Variants in SDK1 observed in about 807,000 individuals in gnomAD.
SDK1 encodes sidekick cell adhesion molecule 1.
SDK1 carries 157 observed loss-of-function variants against 245.5 expected under a neutral mutation model. That is an observed-to-expected ratio of 0.64 (90% confidence interval 0.56 to 0.73). The LOEUF is 0.73. SDK1 is among the 30% of genes least tolerant of loss of function. The probability of loss-of-function intolerance (pLI) is 0.00; values close to 1 mark genes in which losing one functional copy is unlikely to be tolerated. For missense variants in SDK1, 3,583 were observed against 3,002.3 expected, an observed-to-expected ratio of 1.19 and a Z score of -4.52; for synonymous variants, 1,647 against 1,278.5, an observed-to-expected ratio of 1.29 and a Z score of -6.15.
intron 25 of SDK1, 49 bp from the exon 26 acceptor site, chr7:4,127,332 T>C (rs749759821): frequency 7.3e-7 from 1 of 1,364,016 alleles, no homozygotes; most frequent in Non-Finnish European, 1.1e-6. Context: ...TCTTTGTATG[T>C]AGACACTCTA....
chr7:3,589,146 G>A (rs887701405), intron 1 of SDK1, among the ~76,000 whole-genome samples: 12 of 152,164 alleles, frequency 7.9e-5, no homozygotes, highest in East Asian at 5.8e-4. Flanking sequence ...CAGTTAATGT[G>A]GGCCTTTTGA....
intron 1 of SDK1, among the ~76,000 whole-genome samples, chr7:3,439,206 G>T (rs1388178787): frequency 1.3e-5 from 2 of 152,002 alleles, no homozygotes; most frequent in African/African-American, 2.4e-5. Context: ...CACATTTTTG[G>T]GGTGGTGGTT....
intron 1 of SDK1, among the ~76,000 whole-genome samples, chr7:3,383,145 C>T (rs948389896): frequency 6.6e-6 from 1 of 152,150 alleles, no homozygotes; most frequent in African/African-American, 2.4e-5. Context: ...AGTGCAGTGG[C>T]TCAGGCCTAT....
chr7:3,444,243 G>GGT (rs1390627544), intron 1 of SDK1, among the ~76,000 whole-genome samples: 1 of 152,020 alleles, frequency 6.6e-6, no homozygotes, highest in African/African-American at 2.4e-5. Flanking sequence ...CTGGCAGTGT[G>GGT]GTCTTACAGT....
intron 1 of SDK1, among the ~76,000 whole-genome samples, chr7:3,420,568 AG>A (rs1424715260): frequency 2.0e-5 from 3 of 152,306 alleles, no homozygotes; most frequent in African/African-American, 7.2e-5. Flanking sequence ...GGGAGGGTTA[AG>A]GAAAGATTTT....
At chr7:3,367,847 C>T (rs1163932800) in intron 1 of SDK1, among the ~76,000 whole-genome samples, 1 of 152,100 alleles carries the variant, frequency 6.6e-6, no homozygotes, top group Non-Finnish European at 1.5e-5. Context: ...TTCATATAAG[C>T]TATTATAACA....
chr7:4,064,571 C>T lies in SDK1; in HGVS notation c.2912-3267C>T, dbSNP rs542596546. On this transcript the variant is annotated intron_variant, in intron 19 of 44. Transcript: ENST00000404826. Reference sequence around the variant, plus strand: ...AGCAATCCCACTATTGGGTATTTATCCATAGGAAAGGAGTCAGTGCATCAA... The same window carrying T: ...AGCAATCCCACTATTGGGTATTTATTCATAGGAAAGGAGTCAGTGCATCAA... Among the ~76,000 whole-genome samples, 16 of 152,238 alleles carry T rather than the reference C, an allele frequency of 1.1e-4. 1 individual carries two copies. The highest frequency in any genetic ancestry group is 3.6e-4 in the African/African-American group (15 of 41,538).
At chr7:3,685,646 A>G (rs1008353796) in intron 4 of SDK1, among the ~76,000 whole-genome samples, 2 of 152,194 alleles carry the variant, frequency 1.3e-5, no homozygotes, top group Admixed American at 6.5e-5. Context: ...AGAAATATGT[A>G]AAACAATTAC....
intron 36 of SDK1, among the ~76,000 whole-genome samples, chr7:4,206,808 A>G (rs998408140): frequency 1.3e-5 from 2 of 152,176 alleles, no homozygotes; most frequent in African/African-American, 4.8e-5. Context: ...TCGATCAGTC[A>G]TCAGATTCTG....
intron 1 of SDK1, among the ~76,000 whole-genome samples, chr7:3,428,258 T>C (rs1418430600): frequency 2.0e-5 from 3 of 152,206 alleles, no homozygotes; most frequent in African/African-American, 7.2e-5. Flanking sequence ...AAGTTTCTTT[T>C]ATGTAATTAT....
At chr7:3,875,920 T>C (rs146072337) in intron 5 of SDK1, among the ~76,000 whole-genome samples, 9 of 152,306 alleles carry the variant, frequency 5.9e-5, no homozygotes, top group African/African-American at 1.9e-4. Flanking sequence ...GGGGCTACAC[T>C]TCCAGCTTCT....
rs934606009 is a variant in SDK1 at position 3,943,388 on chromosome 7, C to T, written c.848-7535C>T. 3.5e-4 allele frequency among the ~76,000 whole-genome samples: 49 copies of T among 140,796 alleles called. 1 individual carries two copies. The highest frequency in any genetic ancestry group is 1.2e-3 in the African/African-American group (44 of 37,834). The allele number at this position is 140,796 out of a possible 152,430, so 92.4% of individuals were successfully genotyped here. Reference sequence around the variant, plus strand: ...TCCCCTCCCTTCTTTCCCCTTCTCCCCCCACTTCCTCCTCCTCCGTCCTCC... The same window carrying T: ...TCCCCTCCCTTCTTTCCCCTTCTCCTCCCACTTCCTCCTCCTCCGTCCTCC... On this transcript the variant is annotated intron_variant, in intron 5 of 44. Coordinates refer to ENST00000404826, the MANE Select transcript of SDK1 (RefSeq NM_152744.4).
At chr7:3,809,917 A>G (rs900052025) in intron 4 of SDK1, among the ~76,000 whole-genome samples, 2 of 152,190 alleles carry the variant, frequency 1.3e-5, no homozygotes, top group African/African-American at 2.4e-5. Context: ...TCAGCTCACG[A>G]AGTAAGAATG....
chr7:4,230,494 G>A (rs557866961), intron 40 of SDK1, among the ~76,000 whole-genome samples: 1 of 147,790 alleles, frequency 6.8e-6, no homozygotes, highest in Non-Finnish European at 1.5e-5. Flanking sequence ...AGGGAGGGAA[G>A]GAAGGAAAGA....
chr7:4,036,412 G>C (rs969705897), intron 17 of SDK1, among the ~76,000 whole-genome samples: 1 of 152,160 alleles, frequency 6.6e-6, no homozygotes, highest in African/African-American at 2.4e-5. Flanking sequence ...GGGCATTTCT[G>C]TAGACCTACA....
intron 1 of SDK1, among the ~76,000 whole-genome samples, chr7:3,372,516 G>A (rs908235520): frequency 6.6e-6 from 1 of 152,198 alleles, no homozygotes; most frequent in Non-Finnish European, 1.5e-5. Flanking sequence ...GTGTAACTAG[G>A]AGGGAGCCCA....
At chr7:4,264,413 G>C (rs112932919) in intron 44 of SDK1, among the ~76,000 whole-genome samples, 1,933 of 73,974 alleles carry the variant, frequency 0.026, 67 homozygotes, top group African/African-American at 0.05. Flanking sequence ...GGGTAAGGAA[G>C]GCCGCGTGGA....
intron 11 of SDK1, among the ~76,000 whole-genome samples, chr7:3,970,407 A>G (rs1053633402): frequency 1.3e-5 from 2 of 152,178 alleles, no homozygotes; most frequent in African/African-American, 4.8e-5. Context: ...CAAGTACTAA[A>G]AAGCAGCTTT....
intron 44 of SDK1, among the ~76,000 whole-genome samples, chr7:4,250,114 A>C (rs529530655): frequency 6.6e-6 from 1 of 152,152 alleles, no homozygotes; most frequent in Non-Finnish European, 1.5e-5. Flanking sequence ...AGGTGTGCCT[A>C]TGTGGACATT....
Sources: gnomAD v4.1 joint callset for allele counts (sites outside exome capture counted in the v4.1 genomes callset) on GRCh38, gnomAD v4.1.1 for gene constraint, MANE v1.5 for transcripts, NCBI Gene and HGNC (gene_info 2026-07-23, HGNC 2026-07-21) for gene names.